The following GREB1L variants were observed in gnomAD, a reference collection of about 807,000 sequenced individuals.
GREB1L encodes GREB1-like protein.
A neutral mutation model predicts 200.8 loss-of-function variants in GREB1L; 17 were observed. The observed-to-expected ratio is 0.08, with a 90% confidence interval of 0.06 to 0.13. The LOEUF is 0.13. GREB1L is among the 10% of genes least tolerant of loss of function. The pLI, the probability that GREB1L is intolerant of heterozygous loss-of-function variation, is 1.00. For missense variants in GREB1L, 1,657 were observed against 2,367.7 expected (o/e 0.70, Z 6.23); for synonymous variants, 789 against 893.0 (o/e 0.88, Z 2.08).
chr18:21,483,889 T>C (rs2036016733), intron 17 of GREB1L, among the ~76,000 whole-genome samples: 1 of 148,628 alleles, frequency 6.7e-6, no homozygotes, highest in Non-Finnish European at 1.5e-5. Flanking sequence ...GGCAGGAGAA[T>C]GGCTTGAACC....
At chr18:21,351,154 T>G (rs1268113549) in intron 1 of GREB1L, among the ~76,000 whole-genome samples, 1 of 152,242 alleles carries the variant, frequency 6.6e-6, no homozygotes, top group Non-Finnish European at 1.5e-5. Context: ...TTCCTTCTTG[T>G]CTCTTTCTCC....
chr18:21,482,098 G>C (rs1205834530), intron 17 of GREB1L, among the ~76,000 whole-genome samples: 1 of 152,192 alleles, frequency 6.6e-6, no homozygotes, highest in Non-Finnish European at 1.5e-5. Flanking sequence ...ATTTGGGTTA[G>C]AATGAACAAA....
intron 2 of GREB1L, among the ~76,000 whole-genome samples, chr18:21,379,734 C>T (rs1326800465): frequency 1.1e-4 from 16 of 152,168 alleles, no homozygotes; most frequent in Admixed American, 8.5e-4. Flanking sequence ...TTGGTTTAGA[C>T]GCATAAACTA....
chr18:21,297,661 T>C (rs1159023595), intron 1 of GREB1L, among the ~76,000 whole-genome samples: 1 of 152,172 alleles, frequency 6.6e-6, no homozygotes, highest in Non-Finnish European at 1.5e-5. Context: ...ATGGTCATGC[T>C]TAAGAATCGG....
At chr18:21,384,133 T>C (rs1361705092) in intron 3 of GREB1L, 73 bp from the exon 4 acceptor site, 18 of 1,038,458 alleles carry the variant, frequency 1.7e-5, no homozygotes, top group Non-Finnish European at 2.4e-5. Context: ...TCTTCAATTA[T>C]GTCTTTCAGA....
chr18:21,327,738 G>A (rs2039044755), intron 1 of GREB1L, among the ~76,000 whole-genome samples: 1 of 151,224 alleles, frequency 6.6e-6, no homozygotes, highest in Non-Finnish European at 1.5e-5. Flanking sequence ...GGGGCACGGA[G>A]TCTCACTCTG....
chr18:21,417,250 G>A lies in GREB1L; in HGVS notation c.832+13256G>A, dbSNP rs562391426. On this transcript the variant is annotated intron_variant, in intron 7 of 32. Coordinates refer to ENST00000424526, the MANE Select transcript of GREB1L (RefSeq NM_001142966.3). The stretch of plus-strand genomic sequence containing the variant: ...ATAAAAATATCTTTTGGCCAGGTGC[G>A]GTGGCTCACGCCTGTAATCCTAGCA... Among the ~76,000 whole-genome samples the A allele has an allele frequency of 5.9e-5, 9 of 151,688 alleles. No homozygotes were observed. In the South Asian group the frequency reaches 1.5e-3, roughly 25 times the overall value.
At chr18:21,382,820 A>G (rs992932536) in intron 2 of GREB1L, among the ~76,000 whole-genome samples, 4 of 152,136 alleles carry the variant, frequency 2.6e-5, no homozygotes, top group African/African-American at 7.2e-5. Context: ...AGCAAGTACT[A>G]TAGTACTATA....
Position 21,477,183 on chromosome 18 carries a change from T to C in GREB1L, c.2383T>C (p.Ser795Pro), listed in dbSNP as rs555650459. Residue 795 changes from serine (S) to proline (P), a missense_variant, in exon 17 of 33, where the codon TCA becomes CCA. Physicochemically the swap from Ser to Pro is moderately conservative, Grantham distance 74. Transcript: ENST00000424526. The stretch of plus-strand genomic sequence containing the variant: ...CTACAGTGTCATTTCAGGCTCTTTG[T>C]CACATAGCGAACCCAGTCATGGGCT... ...ELTSVISGSL[S>P]HSEPSHGLAD... is the part of the protein sequence containing the mutation. 1.7e-4 allele frequency: 266 copies of C among 1,551,614 alleles called. 4 individuals are homozygous for C. In the South Asian group the frequency reaches 3.0e-3, roughly 18 times the overall value.
chr18:21,520,150 A>T (rs188702427), intron 31 of GREB1L, among the ~76,000 whole-genome samples: 70 of 152,294 alleles, frequency 4.6e-4, no homozygotes, highest in African/African-American at 1.6e-3. Flanking sequence ...CACGTTGGCC[A>T]GACTGCTCTC....
At chr18:21,321,829 A>G (rs2038956576) in intron 1 of GREB1L, among the ~76,000 whole-genome samples, 2 of 152,242 alleles carry the variant, frequency 1.3e-5, no homozygotes, top group South Asian at 2.1e-4. Context: ...CACTTTATAA[A>G]TTTAACATTT....
intron 1 of GREB1L, among the ~76,000 whole-genome samples, chr18:21,324,278 A>G (rs1275875801): frequency 1.3e-5 from 2 of 152,220 alleles, no homozygotes; most frequent in East Asian, 3.8e-4. Context: ...GTATTGTCCT[A>G]TTATCACAAA....
At chr18:21,500,679 GA>G (rs1568064351) in intron 23 of GREB1L, 37 bp downstream of exon 23, 1 of 1,392,406 alleles carries the variant, frequency 7.2e-7, no homozygotes, top group Admixed American at 2.6e-5. Context: ...AGAGGGGCAA[GA>G]GACAAAGACA....
At chr18:21,383,252 G>A (rs577553028) in intron 2 of GREB1L, among the ~76,000 whole-genome samples, 2 of 152,206 alleles carry the variant, frequency 1.3e-5, no homozygotes, top group South Asian at 2.1e-4. Flanking sequence ...CTTGACTTAA[G>A]CATTTATTAC....
chr18:21,381,917 G>T (rs1000830304), intron 2 of GREB1L, among the ~76,000 whole-genome samples: 10 of 152,202 alleles, frequency 6.6e-5, no homozygotes, highest in Non-Finnish European at 1.3e-4. Flanking sequence ...GAGAGTAAAA[G>T]TCAACACATT....
rs1317224331 is a variant in GREB1L, at chr18:21,452,150, C to T, written c.1917C>T (p.Phe639=). 8.4e-6 allele frequency: 13 copies of T among 1,551,786 alleles called. No individual in the cohort carries two copies. Among genetic ancestry groups the T allele is most frequent in the African/African-American group, 4.1e-5 (3 of 73,054 alleles). ...QRRGDSVVTP[F]DGDLNECVSP... is the part of the protein sequence containing the mutation. ...GAGGAGACAGTGTGGTTACCCCTTTCGATGGAGACCTTAATGAATGTGTGT... is the reference window on the plus strand; with the variant it reads ...GAGGAGACAGTGTGGTTACCCCTTTTGATGGAGACCTTAATGAATGTGTGT... The change falls in exon 14 of 33, where the codon TTC becomes TTT. Residue 639 remains phenylalanine, a synonymous_variant. Coordinates refer to ENST00000424526, the MANE Select transcript of GREB1L (RefSeq NM_001142966.3).
At chr18:21,405,688 C>T (rs1430062346) in intron 7 of GREB1L, among the ~76,000 whole-genome samples, 1 of 152,102 alleles carries the variant, frequency 6.6e-6, no homozygotes, top group African/African-American at 2.4e-5. Flanking sequence ...GTAATTCTAG[C>T]TATCTGGGAG....
At chr18:21,388,743 A>G (rs887405653) in intron 4 of GREB1L, among the ~76,000 whole-genome samples, 1 of 150,948 alleles carries the variant, frequency 6.6e-6, no homozygotes, top group Non-Finnish European at 1.5e-5. Flanking sequence ...ATGGGGTTTC[A>G]CCGGTTCCTT....
chr18:21,413,062 ACT>A (rs1372590857), intron 7 of GREB1L, among the ~76,000 whole-genome samples: 1 of 151,654 alleles, frequency 6.6e-6, no homozygotes, highest in Non-Finnish European at 1.5e-5. Flanking sequence ...GGCAGGAACA[ACT>A]CTAAATGGAA....
Sources: gnomAD v4.1 joint callset for allele counts (sites outside exome capture counted in the v4.1 genomes callset) on GRCh38, gnomAD v4.1.1 for gene constraint, MANE v1.5 for transcripts, NCBI Gene and HGNC (gene_info 2026-07-23, HGNC 2026-07-21) for gene names.